Variants in FUT8 observed in about 807,000 individuals in gnomAD.
FUT8 encodes fucosyltransferase 8.
Under a neutral mutation model 71.3 loss-of-function variants are expected in FUT8, and 29 were observed. The observed-to-expected ratio is 0.41, with a 90% CI of 0.30 to 0.55. The LOEUF is 0.55. Ranked by LOEUF, FUT8 falls within the 20% of genes least tolerant of loss-of-function variation. The pLI is 0.34. For synonymous variants in FUT8, 254 were observed against 239.3 expected (o/e 1.06, Z -0.57); for missense variants, 544 against 702.1 (o/e 0.77, Z 2.55).
intron 2 of FUT8, among the ~76,000 whole-genome samples, chr14:65,496,742 G>A (rs947780126): frequency 6.6e-6 from 1 of 152,152 alleles, no homozygotes; most frequent in Non-Finnish European, 1.5e-5. Flanking sequence ...CTTCATAGCA[G>A]TGTGAGAATG....
intron 6 of FUT8, among the ~76,000 whole-genome samples, chr14:65,645,673 G>C (rs1479546037): frequency 1.3e-5 from 2 of 152,060 alleles, no homozygotes; most frequent in Non-Finnish European, 2.9e-5. Flanking sequence ...TCATATAATT[G>C]CTTGTGCTAC....
chr14:65,681,195 A>G (rs959003634), intron 7 of FUT8, among the ~76,000 whole-genome samples: 9 of 152,334 alleles, frequency 5.9e-5, no homozygotes, highest in African/African-American at 2.2e-4. Context: ...GCCTAATACT[A>G]CTGGCCAATA....
intron 1 of FUT8, among the ~76,000 whole-genome samples, chr14:65,426,978 C>A (rs2065398887): frequency 6.6e-6 from 1 of 152,002 alleles, no homozygotes; most frequent in Non-Finnish European, 1.5e-5. Flanking sequence ...CTTGCCTCAG[C>A]CTCCCTAGTA....
intron 7 of FUT8, among the ~76,000 whole-genome samples, chr14:65,692,566 C>A (rs1326363852): frequency 7.0e-6 from 1 of 142,476 alleles, no homozygotes; most frequent in Non-Finnish European, 1.6e-5. Context: ...GCTGACCCCC[C>A]GCACCTCCCT....
chr14:65,547,737 A>G (rs2139989709), intron 2 of FUT8, among the ~76,000 whole-genome samples: 1 of 151,954 alleles, frequency 6.6e-6, no homozygotes, highest in South Asian at 2.1e-4. Flanking sequence ...TTTGTTTCAG[A>G]ATAATTTTAG....
At position 65,724,179 on chromosome 14, in the gene FUT8, C is replaced by T. The variant is rs978977445; in HGVS notation, c.1115C>T (p.Thr372Ile). The T allele has an allele frequency of 6.2e-7, 1 of 1,603,976 alleles. No homozygotes were observed. The highest frequency in any genetic ancestry group is 1.3e-5 in the African/African-American group (1 of 74,598). The change falls in exon 9 of 11, where the codon ACA becomes ATA. Residue 372 changes from threonine to isoleucine, a missense_variant. By Grantham distance (89) the Thr-to-Ile change is moderately conservative (BLOSUM62 -1). Transcript: ENST00000673929. ...VHVRRTDKVGTEAAFHPIEEY... is the reference protein window; with the variant it reads ...VHVRRTDKVGIEAAFHPIEEY... ...GTCAGACGCACAGACAAAGTGGGAA[C>T]AGAAGCTGCCTTCCATCCCATTGAA... is the stretch of plus-strand genomic sequence containing the variant.
At chr14:65,642,507 G>A (rs1890887540) in intron 6 of FUT8, among the ~76,000 whole-genome samples, 1 of 151,424 alleles carries the variant, frequency 6.6e-6, no homozygotes, top group Admixed American at 6.6e-5. Context: ...GGAGGCTGAG[G>A]CAGGAGAATC....
At chr14:65,696,834 G>C (rs1282928345) in intron 7 of FUT8, among the ~76,000 whole-genome samples, 1 of 151,886 alleles carries the variant, frequency 6.6e-6, no homozygotes, top group South Asian at 2.1e-4. Context: ...ACCTACTACT[G>C]AGGCCATTAA....
chr14:65,636,219 A>T, intron 6 of FUT8, among the ~76,000 whole-genome samples: 1 of 150,424 alleles, frequency 6.6e-6, no homozygotes, highest in African/African-American at 2.5e-5. Flanking sequence ...GGTTATTTGG[A>T]TTTTTTCTCT....
chr14:65,712,751 T>C (rs1403463267), intron 7 of FUT8, among the ~76,000 whole-genome samples: 6 of 152,190 alleles, frequency 3.9e-5, no homozygotes, highest in South Asian at 2.1e-4. Context: ...GGTGAAAATA[T>C]AGTTTTTTCT....
At chr14:65,621,561 T>A (rs1889611764) in intron 5 of FUT8, among the ~76,000 whole-genome samples, 1 of 151,482 alleles carries the variant, frequency 6.6e-6, no homozygotes, top group Non-Finnish European at 1.5e-5. Context: ...GCCTATTTGT[T>A]CCTCTTTTTT....
In FUT8 at chr14:65,615,765, T is replaced by C. The variant is rs78738751; in HGVS notation, c.204-213T>C. On this transcript the variant is annotated intron_variant, in intron 3 of 10. Transcript: ENST00000673929. ...GAAGATCATAGATTTCTGAAGTAGATTAATATTTTCTATTTTTCGTTATTA... is the reference window on the plus strand; with the variant it reads ...GAAGATCATAGATTTCTGAAGTAGACTAATATTTTCTATTTTTCGTTATTA... 5.0e-3 allele frequency among the ~76,000 whole-genome samples: 755 copies of C among 152,318 alleles called. 8 individuals are homozygous for C. Among genetic ancestry groups the C allele is most frequent in the African/African-American group, 0.017 (716 of 41,572 alleles).
At chr14:65,434,240 G>C (rs531750632) in intron 1 of FUT8, among the ~76,000 whole-genome samples, 1 of 152,284 alleles carries the variant, frequency 6.6e-6, no homozygotes, top group African/African-American at 2.4e-5. Flanking sequence ...CCAGATCCAG[G>C]AACTTAGATG....
At chr14:65,657,459 G>GAT (rs1431870183) in intron 6 of FUT8, among the ~76,000 whole-genome samples, 2 of 152,086 alleles carry the variant, frequency 1.3e-5, no homozygotes, top group East Asian at 3.9e-4. Flanking sequence ...GAAAATATGT[G>GAT]ATACCTATAC....
At chr14:65,619,137 T>C (rs772125856) in intron 5 of FUT8, among the ~76,000 whole-genome samples, 3 of 152,194 alleles carry the variant, frequency 2.0e-5, no homozygotes, top group Non-Finnish European at 4.4e-5. Context: ...ACATATTTGG[T>C]GTCAGAAGTG....
At chr14:65,714,208 A>G (rs1221351789) in intron 7 of FUT8, among the ~76,000 whole-genome samples, 5 of 152,048 alleles carry the variant, frequency 3.3e-5, no homozygotes, top group African/African-American at 1.2e-4. Context: ...TGGGCTCTCA[A>G]TTTTATTCCA....
chr14:65,551,859 A>G (rs901308379), intron 2 of FUT8, among the ~76,000 whole-genome samples: 2 of 152,194 alleles, frequency 1.3e-5, no homozygotes, highest in Non-Finnish European at 2.9e-5. Context: ...ACTTCGTTCT[A>G]CTTCTGAAAA....
At position 65,616,029 on chromosome 14, in the gene FUT8, T is replaced by C. The variant is rs144187394; in HGVS notation, c.255T>C (p.Val85=). 105 of 1,614,014 alleles carry C rather than the reference T, an allele frequency of 6.5e-5. No homozygotes were observed. The African/African-American group carries it at 1.2e-3, about 18-fold the overall frequency. ...DQGPAIGRVR[V]LEEQLVKAKE... ...GGCCAGCTATAGGAAGAGTACGCGT[T>C]TTAGAAGAGCAGCTTGTTAAGGCCA... is the stretch of plus-strand genomic sequence containing the variant. Residue 85 remains valine (V), a synonymous_variant, in exon 4 of 11, where the codon GTT becomes GTC. Coordinates refer to ENST00000673929, the MANE Select transcript of FUT8 (RefSeq NM_001371533.1).
intron 7 of FUT8, among the ~76,000 whole-genome samples, chr14:65,712,676 C>T (rs113806348): frequency 1.3e-4 from 20 of 152,252 alleles, no homozygotes; most frequent in African/African-American, 4.8e-4. Flanking sequence ...AACTTCTGAC[C>T]TCAGGTGATC....
Sources: allele counts gnomAD v4.1 joint callset (sites outside exome capture counted in the v4.1 genomes callset), GRCh38; gene constraint gnomAD v4.1.1; transcripts MANE v1.5; gene names NCBI Gene and HGNC (gene_info 2026-07-23, HGNC 2026-07-21).